The following DLG2 variants were observed in gnomAD, a reference collection of about 807,000 sequenced individuals.
DLG2 encodes disks large homolog 2.
Under a neutral mutation model 132.5 loss-of-function variants are expected in DLG2, and 45 were observed. The observed-to-expected ratio is 0.34, with a 90% CI of 0.27 to 0.44. DLG2 has a LOEUF of 0.44. DLG2 is among the 20% of genes least tolerant of loss of function. The pLI, the probability that DLG2 is intolerant of heterozygous loss-of-function variation, is 1.00. For missense variants in DLG2, 1,045 were observed against 1,196.9 expected (o/e 0.87, Z 1.87); for synonymous variants, 424 against 419.6 (o/e 1.01, Z -0.13).
chr11:85,356,263 G>A (rs1596482558), intron 3 of DLG2, among the ~76,000 whole-genome samples: 1 of 152,018 alleles, frequency 6.6e-6, no homozygotes, highest in African/African-American at 2.4e-5. Context: ...CTTATACAAT[G>A]CCCTTGCTGA....
In DLG2 at chr11:85,245,045, C is replaced by T. The variant is rs146109693; in HGVS notation, c.186+40175G>A. 4.1e-4 allele frequency among the ~76,000 whole-genome samples: 62 copies of T among 151,952 alleles called. 1 individual carries two copies. In the East Asian group the frequency reaches 0.011, roughly 27 times the overall value. The stretch of plus-strand genomic sequence containing the variant: ...TATGCTTGAAAAATTTACTTCTGCT[C>T]ATTAGTCAAAAAGGTAAATTAATAA... On this transcript the variant is annotated intron_variant, in intron 4 of 27. Coordinates refer to ENST00000376104, the MANE Select transcript of DLG2 (RefSeq NM_001142699.3).
intron 19 of DLG2, among the ~76,000 whole-genome samples, chr11:83,569,451 A>C (rs2096761964): frequency 6.6e-6 from 1 of 152,174 alleles, no homozygotes; most frequent in Non-Finnish European, 1.5e-5. Context: ...CAAGTCCTTT[A>C]CATATATTAT....
intron 3 of DLG2, among the ~76,000 whole-genome samples, chr11:85,360,895 A>G (rs2084091465): frequency 6.6e-6 from 1 of 152,228 alleles, no homozygotes; most frequent in Non-Finnish European, 1.5e-5. Flanking sequence ...CAAGGTCACC[A>G]ACTTATAAAT....
At chr11:85,498,649 A>C (rs2093724281) in intron 3 of DLG2, among the ~76,000 whole-genome samples, 1 of 152,142 alleles carries the variant, frequency 6.6e-6, no homozygotes, top group Non-Finnish European at 1.5e-5. Flanking sequence ...ACCACATCGC[A>C]CTTATTCTAA....
intron 11 of DLG2, among the ~76,000 whole-genome samples, chr11:84,019,876 T>G (rs143717743): frequency 8.8e-4 from 134 of 152,312 alleles, no homozygotes; most frequent in African/African-American, 3.1e-3. Flanking sequence ...GATCTCAGAC[T>G]TGTACCCTCC....
At position 84,402,881 on chromosome 11, in the gene DLG2, CAAAA is replaced by C. The variant is rs34476380; in HGVS notation, c.519+131685_519+131688del. ...TGGGCGACAGAGCGAAACTCCGTCT[CAAAA>C]AAAAAAAAAAAAAAAATTAACTCAG... On this transcript the variant is annotated intron_variant, in intron 7 of 27. Coordinates refer to ENST00000376104, the MANE Select transcript of DLG2 (RefSeq NM_001142699.3). 1.1e-4 allele frequency among the ~76,000 whole-genome samples: 8 copies of C among 73,868 alleles called. 1 individual carries two copies. Among genetic ancestry groups the C allele is most frequent in the South Asian group, 4.4e-4 (1 of 2,274 alleles). The allele number at this position is 73,868 out of a possible 152,430, so 48.5% of individuals were successfully genotyped here.
At chr11:85,500,025 G>C (rs1046306344) in intron 3 of DLG2, among the ~76,000 whole-genome samples, 2 of 152,106 alleles carry the variant, frequency 1.3e-5, no homozygotes, top group African/African-American at 2.4e-5. Context: ...CATTCCCTTT[G>C]AAAACTGGCA....
At chr11:83,887,464 AC>A (rs2068269936) in intron 15 of DLG2, among the ~76,000 whole-genome samples, 1 of 152,092 alleles carries the variant, frequency 6.6e-6, no homozygotes, top group Non-Finnish European at 1.5e-5. Flanking sequence ...TCAATAGCTT[AC>A]CAACCAAAAA....
At chr11:84,284,513 T>C (rs956960156) in intron 7 of DLG2, among the ~76,000 whole-genome samples, 1 of 152,226 alleles carries the variant, frequency 6.6e-6, no homozygotes, top group Non-Finnish European at 1.5e-5. Flanking sequence ...ATATGCCCAG[T>C]ACTATAAGGG....
chr11:85,477,047 A>G (rs750862820), intron 3 of DLG2, among the ~76,000 whole-genome samples: 1 of 152,162 alleles, frequency 6.6e-6, no homozygotes, highest in African/African-American at 2.4e-5. Flanking sequence ...GCACTGCTCT[A>G]CAACTTTAGG....
intron 4 of DLG2, among the ~76,000 whole-genome samples, chr11:85,252,239 G>A (rs752744348): frequency 9.9e-5 from 15 of 152,162 alleles, no homozygotes; most frequent in Admixed American, 2.0e-4. Context: ...CTGAATCAAC[G>A]GCGTAAGATA....
chr11:85,335,115 A>G (rs1453521202), intron 3 of DLG2, among the ~76,000 whole-genome samples: 2 of 152,272 alleles, frequency 1.3e-5, no homozygotes, highest in African/African-American at 4.8e-5. Flanking sequence ...TGTTGGGTGC[A>G]TATATATTTA....
chr11:83,729,949 TATCAGAAA>T (rs1426183360), intron 18 of DLG2, among the ~76,000 whole-genome samples: 1 of 152,146 alleles, frequency 6.6e-6, no homozygotes, highest in East Asian at 1.9e-4. Context: ...AAGTCACTTG[TATCAGAAA>T]AGTAAACCGC....
intron 6 of DLG2, among the ~76,000 whole-genome samples, chr11:85,107,592 C>A (rs1299843174): frequency 3.3e-5 from 5 of 151,998 alleles, no homozygotes; most frequent in Admixed American, 3.3e-4. Flanking sequence ...CATTCTTCAG[C>A]TGAGTCCTAG....
At chr11:84,574,054 C>T (rs890947852) in intron 6 of DLG2, among the ~76,000 whole-genome samples, 2 of 152,146 alleles carry the variant, frequency 1.3e-5, no homozygotes, top group Non-Finnish European at 1.5e-5. Flanking sequence ...CACAGCAAAT[C>T]AGTAGTGACA....
chr11:84,852,975 AAAGG>A (rs1353040213), intron 6 of DLG2, among the ~76,000 whole-genome samples: 2 of 152,046 alleles, frequency 1.3e-5, no homozygotes, highest in African/African-American at 4.8e-5. Context: ...TTCAATTGAA[AAAGG>A]AAGAAAAGCA....
chr11:85,072,523 T>A (rs1360829349), intron 6 of DLG2, among the ~76,000 whole-genome samples: 1 of 151,868 alleles, frequency 6.6e-6, no homozygotes, highest in African/African-American at 2.4e-5. Context: ...TTGATGATAA[T>A]GGCTAACATA....
chr11:84,359,554 C>G (rs1242233928), intron 7 of DLG2, among the ~76,000 whole-genome samples: 1 of 151,830 alleles, frequency 6.6e-6, no homozygotes, highest in Non-Finnish European at 1.5e-5. Context: ...AAAAAAAGTT[C>G]AACGACTTTC....
chr11:83,632,122 T>G (rs1372758855), intron 19 of DLG2: 2 of 152,170 alleles, frequency 1.3e-5, no homozygotes, highest in Non-Finnish European at 2.9e-5. Context: ...GCTTATCAGT[T>G]CAGTCGGGAA....
Sources: gnomAD v4.1 joint callset for allele counts (sites outside exome capture counted in the v4.1 genomes callset) on GRCh38, gnomAD v4.1.1 for gene constraint, MANE v1.5 for transcripts, NCBI Gene and HGNC (gene_info 2026-07-23, HGNC 2026-07-21) for gene names.